Variants in FRYL observed in about 807,000 individuals in gnomAD.
FRYL encodes protein furry homolog-like.
Under a neutral mutation model 351.2 loss-of-function variants are expected in FRYL, and 150 were observed. That is an observed-to-expected ratio of 0.43 (90% CI 0.37 to 0.49). FRYL has a LOEUF of 0.49. FRYL is among the 20% of genes least tolerant of loss of function. The pLI is 0.00. For synonymous variants in FRYL, 1,153 were observed against 1,257.1 expected (o/e 0.92, Z 1.75); for missense variants, 3,036 against 3,619.3 (o/e 0.84, Z 4.13).
At chr4:48,755,923 T>C (rs1321723240) in intron 1 of FRYL, among the ~76,000 whole-genome samples, 1 of 149,088 alleles carries the variant, frequency 6.7e-6, no homozygotes, top group Admixed American at 6.7e-5. Flanking sequence ...GTCCTCAACA[T>C]CAAAAATTCA....
At chr4:48,500,860 G>T (rs1424304014) in intron 62 of FRYL, among the ~76,000 whole-genome samples, 1 of 152,104 alleles carries the variant, frequency 6.6e-6, no homozygotes, top group Non-Finnish European at 1.5e-5. Context: ...CAAGGCAGTG[G>T]GTCACCTGAG....
At chr4:48,653,762 A>G in intron 3 of FRYL, 1 of 1,281,784 alleles carries the variant, frequency 7.8e-7, no homozygotes, top group Non-Finnish European at 1.0e-6. Context: ...ATTTCAAAAA[A>G]CACAGAATCC....
intron 1 of FRYL, among the ~76,000 whole-genome samples, chr4:48,732,275 A>T (rs1484437094): frequency 2.0e-5 from 3 of 152,180 alleles, no homozygotes; most frequent in African/African-American, 7.2e-5. Flanking sequence ...GCCAGGAAAC[A>T]ATAGATGCTG....
intron 54 of FRYL, among the ~76,000 whole-genome samples, chr4:48,522,047 G>A (rs1229636393): frequency 2.6e-5 from 4 of 152,178 alleles, no homozygotes; most frequent in Non-Finnish European, 5.9e-5. Flanking sequence ...GGAGGCCGAG[G>A]TGGGAGGATC....
At position 48,549,566 on chromosome 4, in the gene FRYL, C is replaced by T; in HGVS notation, c.4691G>A (p.Gly1564Glu). 2 of 1,613,498 alleles carry T rather than the reference C, an allele frequency of 1.2e-6. No individual in the cohort carries two copies. The highest frequency in any genetic ancestry group is 1.1e-5 in the South Asian group (1 of 90,886). Residue 1564 changes from glycine to glutamate, a missense_variant, in exon 39 of 64, where the codon GGA (glycine) becomes GAA (glutamate). This residue lies in a region of FRYL where 1,987 missense variants were observed against 2,311.7 expected (regional missense o/e 0.86). Coordinates refer to ENST00000358350, the MANE Select transcript of FRYL (RefSeq NM_015030.2). This position sits in a 1 kb window ranked among gnomAD's most constrained non-coding sequence, Gnocchi z 4.2. ...WRLKVMEHNQ[G>E]EPLPFPPAGG... is the part of the protein sequence containing the mutation. Reference sequence around the variant, plus strand: ...AGCTGGTGGGAAGGGCAGTGGCTCTCCTTGGTTATGCTCCATCACTTTCAG... The same window carrying T: ...AGCTGGTGGGAAGGGCAGTGGCTCTTCTTGGTTATGCTCCATCACTTTCAG...
chr4:48,576,043 C>T lies in FRYL; in HGVS notation c.2708G>A (p.Ser903Asn), dbSNP rs372864812. The T allele has an allele frequency of 3.1e-6, 5 of 1,608,516 alleles. No individual in the cohort carries two copies. The highest frequency in any genetic ancestry group is 4.2e-6 in the Non-Finnish European group (5 of 1,177,876). The change falls in exon 24 of 64, where the codon AGC becomes AAC. Residue 903 changes from serine (S) to asparagine (N), a missense_variant. Transcript: ENST00000358350. Reference sequence around the variant, plus strand: ...TGAGAAACTTACTTTAGAATCAATGCTATAGCCGCTATCTGGGGTAGACGC... The same window carrying T: ...TGAGAAACTTACTTTAGAATCAATGTTATAGCCGCTATCTGGGGTAGACGC... Reference protein sequence around the residue: ...TLASTPDSGYSIDSKIIGIPS... With the variant: ...TLASTPDSGYNIDSKIIGIPS...
chr4:48,710,069 AAGTCAGAATAT>A (rs1396314647), intron 2 of FRYL, among the ~76,000 whole-genome samples: 1 of 152,234 alleles, frequency 6.6e-6, no homozygotes, highest in Non-Finnish European at 1.5e-5. Flanking sequence ...TTCCAAAAAA[AAGTCAGAATAT>A]GAAAAGGCAC....
chr4:48,515,003 A>G (rs775278266), intron 56 of FRYL, 25 bp downstream of exon 56: 90 of 1,595,554 alleles, frequency 5.6e-5, no homozygotes, highest in Non-Finnish European at 7.4e-5. Context: ...CCCTCACTAC[A>G]GTGTTTATGA....
At chr4:48,647,828 T>C (rs1756835708) in intron 3 of FRYL, among the ~76,000 whole-genome samples, 1 of 152,182 alleles carries the variant, frequency 6.6e-6, no homozygotes, top group African/African-American at 2.4e-5. Flanking sequence ...CAGACAAATT[T>C]ATCTGAGGGA....
In FRYL at chr4:48,634,431, A is replaced by C. The variant is rs1041315779; in HGVS notation, c.-21T>G. On this transcript the variant is annotated 5_prime_UTR_variant, in exon 4 of 64. Transcript: ENST00000358350. ...GACATGATGATATTTTTTTTTCCCC[A>C]AGTGGAATGAAAGTTGGAAGAAGCA... is the stretch of plus-strand genomic sequence containing the variant. 2 of 1,612,594 alleles carry C rather than the reference A, an allele frequency of 1.2e-6. No homozygotes were observed. Among genetic ancestry groups the C allele is most frequent in the African/African-American group, 2.7e-5 (2 of 74,826 alleles).
chr4:48,610,678 T>TA (rs1323105693), intron 7 of FRYL, among the ~76,000 whole-genome samples: 1 of 146,088 alleles, frequency 6.8e-6, no homozygotes, highest in Admixed American at 6.9e-5. Context: ...ATATATTATA[T>TA]TATATATTAT....
intron 2 of FRYL, among the ~76,000 whole-genome samples, chr4:48,703,680 CAATGTAAT>C (rs1407868496): frequency 2.0e-5 from 3 of 152,178 alleles, no homozygotes; most frequent in Non-Finnish European, 4.4e-5. Context: ...ACAACCTCTC[CAATGTAAT>C]AATGTGTCCC....
intron 1 of FRYL, among the ~76,000 whole-genome samples, chr4:48,764,978 G>A (rs1345897450): frequency 2.0e-5 from 3 of 152,102 alleles, no homozygotes; most frequent in South Asian, 2.1e-4. Context: ...CCAAGTAGCT[G>A]GGATTACAGG....
At chr4:48,779,345 T>G (rs1223877355) in intron 1 of FRYL, among the ~76,000 whole-genome samples, 2 of 152,154 alleles carry the variant, frequency 1.3e-5, no homozygotes, top group East Asian at 1.9e-4. Context: ...GGCCGCGGTG[T>G]CCGCAGGGCT....
intron 3 of FRYL, among the ~76,000 whole-genome samples, chr4:48,655,283 G>A (rs1758592083): frequency 6.6e-6 from 1 of 152,092 alleles, no homozygotes; most frequent in East Asian, 1.9e-4. Context: ...GGAAGGCAAA[G>A]GCTAACCAAC....
intron 3 of FRYL, among the ~76,000 whole-genome samples, chr4:48,684,131 A>G (rs772050285): frequency 2.0e-5 from 3 of 152,198 alleles, no homozygotes; most frequent in Non-Finnish European, 4.4e-5. Context: ...AGAAGATCCC[A>G]CAGATTTTTC....
At chr4:48,677,403 G>C (rs1019733084) in intron 3 of FRYL, among the ~76,000 whole-genome samples, 3 of 151,440 alleles carry the variant, frequency 2.0e-5, no homozygotes, top group Non-Finnish European at 4.4e-5. Context: ...ACGATTTTTT[G>C]TGTGTGTGTT....
At chr4:48,707,907 G>A (rs1379260573) in intron 2 of FRYL, among the ~76,000 whole-genome samples, 40 of 150,242 alleles carry the variant, frequency 2.7e-4, no homozygotes, top group African/African-American at 9.5e-4. Context: ...TACAACCTCC[G>A]CCTCCTGGGT....
chr4:48,606,888 A>G (rs1400999132), intron 9 of FRYL, among the ~76,000 whole-genome samples: 1 of 152,210 alleles, frequency 6.6e-6, no homozygotes, highest in African/African-American at 2.4e-5. Context: ...TTAATTAATA[A>G]CCATAATAGA....
Sources: gnomAD v4.1 joint callset for allele counts (sites outside exome capture counted in the v4.1 genomes callset) on GRCh38, gnomAD v4.1.1 for gene constraint, gnomAD v4.1.1 regional missense constraint, Gnocchi (gnomAD v3.1) non-coding constraint, MANE v1.5 for transcripts, NCBI Gene and HGNC (gene_info 2026-07-23, HGNC 2026-07-21) for gene names.